The following CBLL1 variants were observed in gnomAD, a reference collection of about 807,000 sequenced individuals.
CBLL1 encodes the protein Cbl proto-oncogene like 1.
In CBLL1, 4 loss-of-function variants were observed where a neutral mutation model predicts 44.9. The observed-to-expected ratio is 0.09, with a 90% CI of 0.04 to 0.20. CBLL1 has a LOEUF of 0.20. Ranked by LOEUF, CBLL1 falls within the 10% of genes least tolerant of loss-of-function variation. The pLI, the probability that CBLL1 is intolerant of heterozygous loss-of-function variation, is 1.00. For synonymous variants in CBLL1, 235 were observed against 202.2 expected (o/e 1.16, Z -1.38); for missense variants, 569 against 636.7 (o/e 0.89, Z 1.14).
In CBLL1 at chr7:107,744,174, C is replaced by G. The variant is rs1416936908; in HGVS notation, c.11C>G (p.Thr4Ser). The G allele has an allele frequency of 2.6e-6, 4 of 1,554,290 alleles. No homozygotes were observed. Among genetic ancestry groups the G allele is most frequent in the Non-Finnish European group, 3.5e-6 (4 of 1,148,684 alleles). Residue 4 changes from threonine to serine, a missense_variant and splice_region_variant, in exon 1 of 6, where the codon ACT (threonine) becomes AGT (serine). Thr to Ser is a moderately conservative substitution (Grantham distance 58, BLOSUM62 1). Coordinates refer to ENST00000440859, the MANE Select transcript of CBLL1 (RefSeq NM_024814.4). ...TCTGCGAGCCGAATCATGGATCACA[C>G]TGGTAAGGAGGCGGAGGCAGTGGGG... MDH[T>S]DNELQGTNSS...
At chr7:107,749,701 C>T (rs1584375622) in intron 2 of CBLL1, among the ~76,000 whole-genome samples, 1 of 147,784 alleles carries the variant, frequency 6.8e-6, no homozygotes. Context: ...GTTTTAAAGG[C>T]TTTGGAATTA....
Position 107,758,990 on chromosome 7 carries a change from C to T in CBLL1, c.1288C>T (p.Pro430Ser), listed in dbSNP as rs1214498604. Residue 430 changes from proline to serine, a missense_variant, in exon 6 of 6, where the codon CCC becomes TCC. Transcript: ENST00000440859. This position sits in a 1 kb window ranked among gnomAD's most constrained non-coding sequence, Gnocchi z 4.2. ...TCACCATTATAATCCTAACTCATTACCCCAGTTCACTGAAGATCAAGGAAC... is the reference window on the plus strand; with the variant it reads ...TCACCATTATAATCCTAACTCATTATCCCAGTTCACTGAAGATCAAGGAAC... Reference protein sequence around the residue: ...PPHHYNPNSLPQFTEDQGTLS... With the variant: ...PPHHYNPNSLSQFTEDQGTLS... 1.2e-6 allele frequency: 2 copies of T among 1,613,984 alleles called. No homozygotes were observed. Among genetic ancestry groups the T allele is most frequent in the East Asian group, 2.2e-5 (1 of 44,872 alleles).
In CBLL1 at chr7:107,758,340, C is replaced by G; in HGVS notation, c.638C>G (p.Pro213Arg). The G allele has an allele frequency of 6.2e-7, 1 of 1,614,082 alleles. No individual in the cohort carries two copies. The highest frequency in any genetic ancestry group is 8.5e-7 in the Non-Finnish European group (1 of 1,180,002). ...GTTCATCCTCCTATTGCCCCACCACCAACTGAAATCCCTGAGCGTTTTATA... is the reference window on the plus strand; with the variant it reads ...GTTCATCCTCCTATTGCCCCACCACGAACTGAAATCCCTGAGCGTTTTATA... ...ENVHPPIAPPPTEIPERFIMP... is the reference protein window; with the variant it reads ...ENVHPPIAPPRTEIPERFIMP... The change falls in exon 6 of 6, where the codon CCA (proline) becomes CGA (arginine). Residue 213 changes from proline (P) to arginine (R), a missense_variant. Physicochemically the swap from Pro to Arg is moderately radical, Grantham distance 103 (BLOSUM62 -2). Transcript: ENST00000440859. The surrounding 1 kb of genome is among the most constrained non-coding windows in gnomAD (Gnocchi z 4.2).
chr7:107,747,703 G>T (rs985920032), intron 1 of CBLL1, among the ~76,000 whole-genome samples: 4 of 152,110 alleles, frequency 2.6e-5, no homozygotes, highest in African/African-American at 7.2e-5. Context: ...AATCGTTATG[G>T]ACCCATTTTT....
chr7:107,758,064 AAAC>A lies in CBLL1; in HGVS notation c.441-76_441-74del, dbSNP rs1319004854. 1.1e-5 allele frequency: 14 copies of A among 1,317,382 alleles called. No homozygotes were observed. The Middle Eastern group carries it at 6.4e-4, about 61-fold the overall frequency. 81.6% of individuals were successfully genotyped at this position (1,317,382 alleles called of 1,614,324 possible). A position where few individuals can be genotyped will look rare whatever the true frequency, so the allele number is the denominator to read the frequency against. Reference sequence around the variant, plus strand: ...GTTTTATGTAACAGTCAAATTTTAAAAACAAGCATATTTTTGAAAATTACATAA... The same window carrying A: ...GTTTTATGTAACAGTCAAATTTTAAAAAGCATATTTTTGAAAATTACATAA... On this transcript the variant is annotated intron_variant, in intron 5 of 5. Coordinates refer to ENST00000440859, the MANE Select transcript of CBLL1 (RefSeq NM_024814.4). The surrounding 1 kb of genome is among the most constrained non-coding windows in gnomAD (Gnocchi z 4.2).
rs1440989740 is a variant in CBLL1 at position 107,757,675 on chromosome 7, CTTG to C, written c.441-463_441-461del. Among the ~76,000 whole-genome samples the C allele has an allele frequency of 3.9e-5, 6 of 152,130 alleles. 1 individual carries two copies. Among genetic ancestry groups the C allele is most frequent in the African/African-American group, 1.2e-4 (5 of 41,436 alleles). Reference sequence around the variant, plus strand: ...AACCCTAATGATGAGGCTGATGTTACTTGTTGTAGTCCTTGCAATGTCTTCTAC... The same window carrying C: ...AACCCTAATGATGAGGCTGATGTTACTTGTAGTCCTTGCAATGTCTTCTAC... On this transcript the variant is annotated intron_variant, in intron 5 of 5. Coordinates refer to ENST00000440859, the MANE Select transcript of CBLL1 (RefSeq NM_024814.4).
intron 2 of CBLL1, among the ~76,000 whole-genome samples, chr7:107,752,373 AG>A (rs1793342151): frequency 6.6e-6 from 1 of 152,126 alleles, no homozygotes; most frequent in Non-Finnish European, 1.5e-5. Context: ...ATTAAATAGC[AG>A]TACACTGAAG....
intron 3 of CBLL1, 62 bp downstream of exon 3, chr7:107,753,573 A>G: frequency 2.1e-6 from 2 of 957,284 alleles, no homozygotes; most frequent in East Asian, 5.6e-5. Flanking sequence ...TAAATACTTA[A>G]AATGTTTTAT....
At chr7:107,754,915 A>G (rs916089394) in intron 4 of CBLL1, among the ~76,000 whole-genome samples, 19 of 152,056 alleles carry the variant, frequency 1.2e-4, no homozygotes, top group Admixed American at 4.6e-4. Context: ...GCCAGAGGCC[A>G]GGAGTTTGGG....
intron 5 of CBLL1, among the ~76,000 whole-genome samples, chr7:107,756,796 A>G (rs1421006113): frequency 2.0e-5 from 3 of 152,224 alleles, no homozygotes; most frequent in Non-Finnish European, 4.4e-5. Flanking sequence ...TAAATGTAAC[A>G]AAGTACTAAA....
intron 2 of CBLL1, 31 bp downstream of exon 2, chr7:107,749,078 C>CA (rs750126983): frequency 1.2e-6 from 2 of 1,602,284 alleles, no homozygotes; most frequent in Non-Finnish European, 1.7e-6. Context: ...GTCCAACACT[C>CA]TTTCTGTTTT....
At chr7:107,755,247 C>G (rs1236184693) in intron 4 of CBLL1, among the ~76,000 whole-genome samples, 171 bp from the exon 5 acceptor site, 3 of 152,088 alleles carry the variant, frequency 2.0e-5, no homozygotes, top group Non-Finnish European at 4.4e-5. Flanking sequence ...GTCATGTTCT[C>G]AAAAGGCTTT....
chr7:107,759,257 G>A lies in CBLL1; in HGVS notation c.*79G>A. The A allele has an allele frequency of 7.8e-7, 1 of 1,282,564 alleles. No homozygotes were observed. Among genetic ancestry groups the A allele is most frequent in the Non-Finnish European group, 1.1e-6 (1 of 931,114 alleles). The allele number at this position is 1,282,564 out of a possible 1,614,324, so 79.4% of individuals were successfully genotyped here. A position where few individuals can be genotyped will look rare whatever the true frequency, so the allele number is the denominator to read the frequency against. On this transcript the variant is annotated 3_prime_UTR_variant, in exon 6 of 6. Transcript: ENST00000440859. The stretch of plus-strand genomic sequence containing the variant: ...ATCTTTTAAGCTTTGACTGTTTTGG[G>A]AAGGAAGAGTACCTCTTATCGAGGT...
chr7:107,754,725 C>T (rs541452915), intron 4 of CBLL1, among the ~76,000 whole-genome samples: 14 of 151,794 alleles, frequency 9.2e-5, no homozygotes, highest in African/African-American at 2.7e-4. Context: ...ATGCTGCTTA[C>T]GTTAAATATA....
chr7:107,747,037 A>G (rs975829997), intron 1 of CBLL1, among the ~76,000 whole-genome samples: 1 of 152,340 alleles, frequency 6.6e-6, no homozygotes, highest in East Asian at 1.9e-4. Flanking sequence ...TATCTAAGAA[A>G]TTTTTGTTGT....
chr7:107,755,014 T>C (rs1360667714), intron 4 of CBLL1, among the ~76,000 whole-genome samples: 3 of 151,988 alleles, frequency 2.0e-5, no homozygotes, highest in African/African-American at 7.3e-5. Context: ...TGTTCCTCGC[T>C]ATTCTGGAGG....
intron 2 of CBLL1, among the ~76,000 whole-genome samples, chr7:107,750,644 C>A (rs1183671311): frequency 6.6e-6 from 1 of 152,110 alleles, no homozygotes; most frequent in African/African-American, 2.4e-5. Flanking sequence ...TTTATGACTT[C>A]TGGGTTTTGT....
intron 2 of CBLL1, among the ~76,000 whole-genome samples, chr7:107,751,301 G>A (rs1793278751): frequency 6.6e-6 from 1 of 152,208 alleles, no homozygotes; most frequent in Non-Finnish European, 1.5e-5. Context: ...CAGAGGTCAA[G>A]TGGTAATGCT....
At chr7:107,751,421 A>G (rs1793288213) in intron 2 of CBLL1, among the ~76,000 whole-genome samples, 1 of 151,942 alleles carries the variant, frequency 6.6e-6, no homozygotes, top group Admixed American at 6.5e-5. Context: ...ATTTTTTTGT[A>G]TTTCTGGACT....
Sources: allele counts gnomAD v4.1 joint callset (sites outside exome capture counted in the v4.1 genomes callset), GRCh38; gene constraint gnomAD v4.1.1; non-coding constraint Gnocchi (gnomAD v3.1); transcripts MANE v1.5; gene names NCBI Gene and HGNC (gene_info 2026-07-23, HGNC 2026-07-21).